Variants in TSPAN18 observed in about 807,000 individuals in gnomAD.
TSPAN18 encodes tetraspanin-18.
In TSPAN18, 14 loss-of-function variants were observed where a neutral mutation model predicts 27.3. The observed-to-expected ratio is 0.51, with a 90% confidence interval of 0.34 to 0.80. The LOEUF (loss-of-function observed/expected upper bound fraction) is 0.80. TSPAN18 is among the 30% of genes least tolerant of loss of function. The pLI is 0.01. For missense variants in TSPAN18, 268 were observed against 323.9 expected (o/e 0.83, Z 1.32); for synonymous variants, 143 against 136.5 (o/e 1.05, Z -0.33).
At chr11:44,926,511 G>T (rs919382108) in intron 8 of TSPAN18, 163 bp from the exon 9 acceptor site, 53 of 664,656 alleles carry the variant, frequency 8.0e-5, no homozygotes, top group Non-Finnish European at 1.3e-4. Flanking sequence ...GCTGTTTCTG[G>T]GTCTCCTGCC....
intron 8 of TSPAN18, among the ~76,000 whole-genome samples, chr11:44,923,634 C>T (rs1860230319): frequency 6.6e-6 from 1 of 152,194 alleles, no homozygotes; most frequent in Non-Finnish European, 1.5e-5. Flanking sequence ...TCCTGGCTTC[C>T]CTTCCTCGTG....
At chr11:44,909,468 G>A (rs1400431721) in intron 4 of TSPAN18, 3 of 506,616 alleles carry the variant, frequency 5.9e-6, no homozygotes, top group African/African-American at 1.9e-5. Context: ...GGCTTGGGTC[G>A]GAAATTGGAT....
chr11:44,790,930 G>T (rs1856203431), intron 2 of TSPAN18, among the ~76,000 whole-genome samples: 2 of 152,172 alleles, frequency 1.3e-5, no homozygotes, highest in Admixed American at 1.3e-4. Flanking sequence ...CCCCTCAGGA[G>T]ATGTCATTTT....
At chr11:44,833,456 C>T (rs1408199473) in intron 2 of TSPAN18, among the ~76,000 whole-genome samples, 1 of 152,126 alleles carries the variant, frequency 6.6e-6, no homozygotes. Context: ...TCCAGGAAGC[C>T]CTCCCTGGAT....
chr11:44,878,055 C>T lies in TSPAN18; in HGVS notation c.-11+17586C>T, dbSNP rs561599449. Among the ~76,000 whole-genome samples, 3 of 152,088 alleles carry T rather than the reference C, an allele frequency of 2.0e-5. 1 individual carries two copies. The highest frequency in any genetic ancestry group is 4.2e-4 in the South Asian group (2 of 4,808). ...TGCATCTTTCCATCCTGAATTAAGA[C>T]GTCATCTGGCAAAACAAACACCAAA... On this transcript the variant is annotated intron_variant, in intron 3 of 9. Transcript: ENST00000520358.
chr11:44,764,804 C>T (rs1442380528), intron 2 of TSPAN18, among the ~76,000 whole-genome samples: 1 of 152,146 alleles, frequency 6.6e-6, no homozygotes, highest in African/African-American at 2.4e-5. Context: ...GGGCTCCAGG[C>T]AGGGTCATGA....
In TSPAN18 at chr11:44,900,680, C is replaced by CTTTTTTTTT. The variant is rs72469181; in HGVS notation, c.-10-5704_-10-5696dup. Among the ~76,000 whole-genome samples the CTTTTTTTTT allele has an allele frequency of 2.4e-4, 12 of 49,728 alleles. 1 individual carries two copies. The highest frequency in any genetic ancestry group is 1.1e-3 in the African/African-American group (12 of 11,124). 32.6% of individuals were successfully genotyped at this position (49,728 alleles called of 152,430 possible). A position where few individuals can be genotyped will look rare whatever the true frequency, so the allele number is the denominator to read the frequency against. ...TATTTTCCATACAACTTGAGGAAGG[C>CTTTTTTTTT]TTTTTTTTTTTTTTTTTTTTTTTTT... On this transcript the variant is annotated intron_variant, in intron 3 of 9. Coordinates refer to ENST00000520358, the MANE Select transcript of TSPAN18 (RefSeq NM_130783.5).
chr11:44,763,903 A>G (rs1407568144), intron 1 of TSPAN18, among the ~76,000 whole-genome samples: 1 of 152,116 alleles, frequency 6.6e-6, no homozygotes, highest in Non-Finnish European at 1.5e-5. Context: ...TGGGTAATTT[A>G]TATATAAAAA....
At chr11:44,816,362 A>G (rs1163228019) in intron 2 of TSPAN18, among the ~76,000 whole-genome samples, 1 of 152,236 alleles carries the variant, frequency 6.6e-6, no homozygotes, top group East Asian at 1.9e-4. Flanking sequence ...TTGGATATGC[A>G]TGTGCTTGTA....
At chr11:44,821,880 G>T (rs1420852761) in intron 2 of TSPAN18, among the ~76,000 whole-genome samples, 1 of 152,232 alleles carries the variant, frequency 6.6e-6, no homozygotes, top group Non-Finnish European at 1.5e-5. Flanking sequence ...CTCCTGAAAG[G>T]TGGGGCCATT....
At chr11:44,778,189 G>A (rs1401654861) in intron 2 of TSPAN18, among the ~76,000 whole-genome samples, 2 of 152,096 alleles carry the variant, frequency 1.3e-5, no homozygotes, top group Admixed American at 6.5e-5. Context: ...TGGGGAGAGG[G>A]GAGAGATTGC....
intron 2 of TSPAN18, among the ~76,000 whole-genome samples, chr11:44,788,446 CT>C (rs1475447218): frequency 7.0e-6 from 1 of 141,998 alleles, no homozygotes; most frequent in East Asian, 2.1e-4. Context: ...GATGGGTTTT[CT>C]TTTTTTCTCT....
intron 2 of TSPAN18, among the ~76,000 whole-genome samples, chr11:44,766,318 C>T (rs1214864751): frequency 1.3e-5 from 2 of 152,192 alleles, no homozygotes; most frequent in African/African-American, 4.8e-5. Flanking sequence ...CTCAGGCTGT[C>T]CCTCACTGAC....
intron 8 of TSPAN18, among the ~76,000 whole-genome samples, chr11:44,926,090 C>T (rs566462386): frequency 1.6e-4 from 24 of 152,096 alleles, no homozygotes; most frequent in African/African-American, 5.8e-4. Flanking sequence ...GAAAGCTGCC[C>T]GAAGGAGGTG....
intron 5 of TSPAN18, among the ~76,000 whole-genome samples, chr11:44,911,963 C>T (rs1242872809): frequency 1.6e-4 from 23 of 147,360 alleles, no homozygotes; most frequent in African/African-American, 5.0e-4. Flanking sequence ...CCTTTGTCCC[C>T]CTTCTTTCTG....
At chr11:44,769,904 G>C (rs1475798948) in intron 2 of TSPAN18, among the ~76,000 whole-genome samples, 1 of 152,168 alleles carries the variant, frequency 6.6e-6, no homozygotes, top group Admixed American at 6.6e-5. Context: ...TTTTCTGAAG[G>C]CTATGTTTTA....
intron 2 of TSPAN18, among the ~76,000 whole-genome samples, chr11:44,774,278 G>A (rs771732126): frequency 6.6e-6 from 1 of 152,198 alleles, no homozygotes; most frequent in Admixed American, 6.5e-5. Context: ...AGAAGGAGGG[G>A]GCAGAGCCCA....
At chr11:44,799,380 G>A (rs572961124) in intron 2 of TSPAN18, among the ~76,000 whole-genome samples, 1 of 152,220 alleles carries the variant, frequency 6.6e-6, no homozygotes, top group Non-Finnish European at 1.5e-5. Context: ...ACACACCCAC[G>A]ACACCATGCC....
At chr11:44,858,222 C>T (rs945450488) in intron 2 of TSPAN18, among the ~76,000 whole-genome samples, 6 of 152,200 alleles carry the variant, frequency 3.9e-5, no homozygotes, top group African/African-American at 1.4e-4. Flanking sequence ...GCCTGCCCCC[C>T]ACTCCCACAT....
Sources: allele counts gnomAD v4.1 joint callset (sites outside exome capture counted in the v4.1 genomes callset), GRCh38; gene constraint gnomAD v4.1.1; transcripts MANE v1.5; gene names NCBI Gene and HGNC (gene_info 2026-07-23, HGNC 2026-07-21).